HGSNAT: variants seen among roughly 807,000 people sequenced by gnomAD.
HGSNAT encodes the protein transmembrane protein 76.
In HGSNAT, 59 loss-of-function variants were observed where a neutral mutation model predicts 85.2. The ratio of observed to expected loss-of-function variants is 0.69; its 90% CI spans 0.56 to 0.86. HGSNAT has a LOEUF of 0.86. Among genes scored for constraint, HGSNAT ranks in the 40% least tolerant of loss-of-function variants. The probability of loss-of-function intolerance (pLI) is 0.00; values close to 1 mark genes in which losing one functional copy is unlikely to be tolerated. For missense variants in HGSNAT, 756 were observed against 777.1 expected, an observed-to-expected ratio of 0.97 and a Z score of 0.32; for synonymous variants, 321 against 304.5, an observed-to-expected ratio of 1.05 and a Z score of -0.56.
At chr8:43,196,882 G>A in intron 14 of HGSNAT, 66 bp from the exon 15 acceptor site, 1 of 967,544 alleles carries the variant, frequency 1.0e-6, no homozygotes. Context: ...TTAAGACAGT[G>A]GATTAATATG....
At chr8:43,191,704 TCTC>T in intron 12 of HGSNAT, 109 bp downstream of exon 12, 1 of 1,378,674 alleles carries the variant, frequency 7.3e-7, no homozygotes, top group East Asian at 2.3e-5. Flanking sequence ...CCCTCTTCCT[TCTC>T]CTTTGAGGCC....
intron 9 of HGSNAT, among the ~76,000 whole-genome samples, chr8:43,177,554 T>A (rs1803855276): frequency 1.5e-5 from 1 of 66,626 alleles, no homozygotes. Context: ...CAAGACTCCG[T>A]CTCAAAAAAA....
At chr8:43,174,451 T>C (rs1001733733) in intron 9 of HGSNAT, among the ~76,000 whole-genome samples, 1 of 152,204 alleles carries the variant, frequency 6.6e-6, no homozygotes. Flanking sequence ...AAACTAAAAT[T>C]TAAAATAACA....
chr8:43,190,445 C>A (rs1288497200), intron 11 of HGSNAT, among the ~76,000 whole-genome samples: 1 of 152,058 alleles, frequency 6.6e-6, no homozygotes, highest in African/African-American at 2.4e-5. Flanking sequence ...TTACTCTTTC[C>A]CCCTCTGCCC....
At chr8:43,162,994 T>A (rs1156820798) in intron 5 of HGSNAT, among the ~76,000 whole-genome samples, 2 of 152,078 alleles carry the variant, frequency 1.3e-5, no homozygotes, top group Admixed American at 1.3e-4. Flanking sequence ...GAGACCAGCC[T>A]GGTAACATGA....
chr8:43,146,195 C>G (rs1222978713), intron 1 of HGSNAT, among the ~76,000 whole-genome samples: 1 of 152,164 alleles, frequency 6.6e-6, no homozygotes, highest in Non-Finnish European at 1.5e-5. Flanking sequence ...CAGTGAGTTT[C>G]TCTGCCCTTC....
At chr8:43,190,260 C>T (rs977405456) in intron 11 of HGSNAT, among the ~76,000 whole-genome samples, 1 of 152,188 alleles carries the variant, frequency 6.6e-6, no homozygotes, top group Non-Finnish European at 1.5e-5. Context: ...AAAATTCCGA[C>T]GGAAATGTTT....
At chr8:43,151,848 G>A in intron 2 of HGSNAT, among the ~76,000 whole-genome samples, 1 of 152,204 alleles carries the variant, frequency 6.6e-6, no homozygotes, top group East Asian at 1.9e-4. Flanking sequence ...CCAGTAGAGA[G>A]ATTCTATCCA....
At chr8:43,180,069 C>T (rs1325816342) in intron 10 of HGSNAT, among the ~76,000 whole-genome samples, 3 of 124,426 alleles carry the variant, frequency 2.4e-5, no homozygotes, top group Non-Finnish European at 5.2e-5. Flanking sequence ...GGGCTGACCC[C>T]CCCACCTCCC....
chr8:43,178,594 CTT>C (rs58996359), intron 10 of HGSNAT, among the ~76,000 whole-genome samples: 1,065 of 96,904 alleles, frequency 0.011, 14 homozygotes, highest in African/African-American at 0.034. Flanking sequence ...CATCAGCTTT[CTT>C]TTTTTTTTTT....
At chr8:43,195,007 G>T (rs1222898921) in intron 14 of HGSNAT, among the ~76,000 whole-genome samples, 1 of 152,122 alleles carries the variant, frequency 6.6e-6, no homozygotes, top group Admixed American at 6.6e-5. Context: ...TAGTGGGACA[G>T]TCCCTAGCCA....
At position 43,176,102 on chromosome 8, in the gene HGSNAT, T is replaced by C. The variant is rs563803829; in HGVS notation, c.852-1972T>C. Among the ~76,000 whole-genome samples the C allele has an allele frequency of 2.6e-5, 4 of 152,328 alleles. No homozygotes were observed. In the South Asian group the frequency reaches 8.3e-4, roughly 32 times the overall value. On this transcript the variant is annotated intron_variant, in intron 9 of 17. Coordinates refer to ENST00000379644, the MANE Select transcript of HGSNAT (RefSeq NM_152419.3). ...TGGTTACTTGTGCTGTGTGAAGTGTTAATCAAGAAATCTTCACTTAGTCCA... is the reference window on the plus strand; with the variant it reads ...TGGTTACTTGTGCTGTGTGAAGTGTCAATCAAGAAATCTTCACTTAGTCCA...
chr8:43,192,386 C>T lies in HGSNAT; in HGVS notation c.1333C>T (p.Leu445=). The change falls in exon 13 of 18, where the codon CTG becomes TTG. Residue 445 remains leucine (L), a synonymous_variant. Transcript: ENST00000379644. ...TGGAAGYIDR[L]LLGDDHLYQH... ...AGGAGCTGCAGGCTACATCGACCGC[C>T]TGCTGCTGGGAGACGATCACCTTTA... The T allele has an allele frequency of 6.2e-7, 1 of 1,613,386 alleles. No homozygotes were observed. Among genetic ancestry groups the T allele is most frequent in the Non-Finnish European group, 8.5e-7 (1 of 1,179,726 alleles).
intron 5 of HGSNAT, among the ~76,000 whole-genome samples, chr8:43,163,758 CA>C (rs372762274): frequency 9.9e-5 from 15 of 152,116 alleles, no homozygotes; most frequent in African/African-American, 3.4e-4. Flanking sequence ...CCTCGTGATC[CA>C]CCTGCCTCTG....
At chr8:43,168,851 T>C (rs994193207) in intron 5 of HGSNAT, among the ~76,000 whole-genome samples, 1 of 152,208 alleles carries the variant, frequency 6.6e-6, no homozygotes, top group African/African-American at 2.4e-5. Context: ...AAGTTTTTGC[T>C]ATTTTAATTT....
At chr8:43,144,815 C>T (rs1802662078) in intron 1 of HGSNAT, among the ~76,000 whole-genome samples, 1 of 152,074 alleles carries the variant, frequency 6.6e-6, no homozygotes, top group African/African-American at 2.4e-5. Context: ...TAATGTTTTA[C>T]AGAAAGAGAG....
chr8:43,198,761 G>T (rs1277081662), intron 17 of HGSNAT, among the ~76,000 whole-genome samples: 3 of 152,146 alleles, frequency 2.0e-5, no homozygotes, highest in East Asian at 3.8e-4. Context: ...CCTCATTTCA[G>T]CCCTTTGATT....
intron 5 of HGSNAT, among the ~76,000 whole-genome samples, chr8:43,165,485 T>G (rs1393641971): frequency 6.6e-6 from 1 of 152,194 alleles, no homozygotes; most frequent in African/African-American, 2.4e-5. Flanking sequence ...GTCTCTCACT[T>G]TAAATCAAAA....
chr8:43,195,179 G>A (rs1804663872), intron 14 of HGSNAT, among the ~76,000 whole-genome samples: 1 of 151,924 alleles, frequency 6.6e-6, no homozygotes, highest in Non-Finnish European at 1.5e-5. Context: ...GGAACACCTC[G>A]GGGCATGGGG....
Sources: allele counts gnomAD v4.1 joint callset (sites outside exome capture counted in the v4.1 genomes callset), GRCh38; gene constraint gnomAD v4.1.1; transcripts MANE v1.5; gene names NCBI Gene and HGNC (gene_info 2026-07-23, HGNC 2026-07-21).